MAPK10: variants seen among roughly 807,000 people sequenced by gnomAD.
The protein encoded by MAPK10 is mitogen-activated protein kinase 10.
In MAPK10, 25 loss-of-function variants were observed where a neutral mutation model predicts 59.3. The ratio of observed to expected loss-of-function variants is 0.42; its 90% CI spans 0.31 to 0.59. MAPK10 has a LOEUF of 0.59. MAPK10 is among the 20% of genes least tolerant of loss of function. The probability of loss-of-function intolerance (pLI) is 0.15; values close to 1 mark genes in which losing one functional copy is unlikely to be tolerated. For missense variants in MAPK10, 351 were observed against 568.9 expected (o/e 0.62, Z 3.90); for synonymous variants, 190 against 200.5 (o/e 0.95, Z 0.44).
intron 4 of MAPK10, among the ~76,000 whole-genome samples, chr4:86,142,352 C>G (rs1225658368): frequency 6.6e-6 from 1 of 152,080 alleles, no homozygotes. Flanking sequence ...AGAGAGACTG[C>G]CAGAGAGACA....
At chr4:86,198,946 C>G (rs2082011433) in intron 2 of MAPK10, among the ~76,000 whole-genome samples, 1 of 151,764 alleles carries the variant, frequency 6.6e-6, no homozygotes, top group Non-Finnish European at 1.5e-5. Context: ...AATATACGAG[C>G]ACTCACAAAT....
At chr4:86,140,518 C>T (rs928439707) in intron 4 of MAPK10, among the ~76,000 whole-genome samples, 4 of 120,232 alleles carry the variant, frequency 3.3e-5, no homozygotes, top group South Asian at 5.3e-4. Flanking sequence ...GAACATCACA[C>T]TCTGGGGACT....
chr4:86,083,522 C>T (rs887323547), intron 9 of MAPK10, among the ~76,000 whole-genome samples: 1 of 152,150 alleles, frequency 6.6e-6, no homozygotes, highest in African/African-American at 2.4e-5. Flanking sequence ...AATCGCCAAT[C>T]CCAGCAGTCA....
intron 6 of MAPK10, 111 bp downstream of exon 6, chr4:86,103,075 C>CTGTGTGTGTGTG (rs10681488): frequency 0.026 from 13,126 of 496,946 alleles, 250 homozygotes; most frequent in African/African-American, 0.064. Flanking sequence ...GATTTCAACT[C>CTGTGTGTGTGTG]TGTGTGTGTG....
chr4:86,111,045 G>A (rs2057397159), intron 4 of MAPK10, among the ~76,000 whole-genome samples: 1 of 152,020 alleles, frequency 6.6e-6, no homozygotes, highest in African/African-American at 2.4e-5. Context: ...TTGGTGTATA[G>A]AAATGCATGT....
intron 1 of MAPK10, among the ~76,000 whole-genome samples, chr4:86,478,053 A>C (rs1280268986): frequency 6.6e-6 from 1 of 152,002 alleles, no homozygotes; most frequent in Non-Finnish European, 1.5e-5. Context: ...TGCTTTCCCC[A>C]CCGATTGTGT....
intron 11 of MAPK10, among the ~76,000 whole-genome samples, chr4:86,045,344 C>T (rs1177721611): frequency 3.3e-5 from 5 of 152,082 alleles, no homozygotes; most frequent in African/African-American, 1.2e-4. Flanking sequence ...TTTCTTTCTT[C>T]ATTCGTTCAT....
intron 2 of MAPK10, among the ~76,000 whole-genome samples, chr4:86,213,978 T>C (rs2086618189): frequency 2.0e-5 from 3 of 152,006 alleles, no homozygotes; most frequent in African/African-American, 4.8e-5. Context: ...CAATAAAATA[T>C]TGACAAACTC....
chr4:86,179,076 C>A (rs2076318186), intron 3 of MAPK10, among the ~76,000 whole-genome samples: 1 of 152,068 alleles, frequency 6.6e-6, no homozygotes, highest in East Asian at 1.9e-4. Context: ...GTGGTCAGCA[C>A]CTGTAGTCCC....
At position 86,067,867 on chromosome 4, in the gene MAPK10, A is replaced by G. The variant is rs1425966894; in HGVS notation, c.891T>C (p.Tyr297=). The change falls in exon 10 of 14, where the codon TAT becomes TAC. Residue 297 remains tyrosine (Y), a synonymous_variant. Coordinates refer to ENST00000641462, the MANE Select transcript of MAPK10 (RefSeq NM_138982.4). ...MKKLQPTVRN[Y]VENRPKYAGL... ...CCGCATACTTGGGCCGATTCTCCACATAGTTTCTTACTGTGGGTTGCAATT... is the reference window on the plus strand; with the variant it reads ...CCGCATACTTGGGCCGATTCTCCACGTAGTTTCTTACTGTGGGTTGCAATT... The G allele has an allele frequency of 1.2e-6, 2 of 1,614,024 alleles. No homozygotes were observed. The highest frequency in any genetic ancestry group is 4.5e-5 in the East Asian group (2 of 44,870).
At chr4:86,583,131 A>G (rs1762417936) in intron 1 of MAPK10, among the ~76,000 whole-genome samples, 1 of 152,064 alleles carries the variant, frequency 6.6e-6, no homozygotes, top group African/African-American at 2.4e-5. Flanking sequence ...TAAAGTACCT[A>G]AGTAGTTTAC....
chr4:86,188,868 C>G lies in MAPK10; in HGVS notation c.66+5468G>C, dbSNP rs186960626. 3.6e-4 allele frequency among the ~76,000 whole-genome samples: 55 copies of G among 151,844 alleles called. 1 individual carries two copies. In the East Asian group the frequency reaches 8.1e-3, roughly 22 times the overall value. On this transcript the variant is annotated intron_variant, in intron 3 of 13. Transcript: ENST00000641462. ...CCTAGGTTTTCTTCCACGGTTTTTA[C>G]GGTTTTTATGGTTTTAGGTCTTACG...
intron 2 of MAPK10, among the ~76,000 whole-genome samples, chr4:86,277,742 A>G (rs1017834506): frequency 3.3e-5 from 5 of 152,154 alleles, no homozygotes; most frequent in Non-Finnish European, 7.4e-5. Context: ...ACATTGGCTT[A>G]TTATGAGTAT....
Position 86,015,242 on chromosome 4 carries a change from G to A in MAPK10, c.*1986C>T, listed in dbSNP as rs1742896188. 6.6e-6 allele frequency: 1 copy of A among 152,166 alleles called. No homozygotes were observed. Among genetic ancestry groups the A allele is most frequent in the Non-Finnish European group, 1.5e-5 (1 of 68,042 alleles). The allele number at this position is 152,166 out of a possible 1,614,324, so 9.4% of individuals were successfully genotyped here. On this transcript the variant is annotated 3_prime_UTR_variant, in exon 14 of 14. Coordinates refer to ENST00000641462, the MANE Select transcript of MAPK10 (RefSeq NM_138982.4). ...GACTGTGTGAAATAATCTCAGAATG[G>A]CAGCACCACTGGCATGGCGATGGTG...
intron 1 of MAPK10, among the ~76,000 whole-genome samples, chr4:86,372,783 A>G (rs1301936827): frequency 6.6e-6 from 1 of 152,222 alleles, no homozygotes; most frequent in Non-Finnish European, 1.5e-5. Flanking sequence ...GGAAATTTAT[A>G]GCACTAAATG....
At chr4:86,246,936 G>A (rs1294266577) in intron 2 of MAPK10, among the ~76,000 whole-genome samples, 4 of 152,244 alleles carry the variant, frequency 2.6e-5, no homozygotes, top group East Asian at 3.9e-4. Context: ...TCAACATCCC[G>A]TGATGCTCCA....
At chr4:86,449,718 T>C (rs1342585094) in intron 1 of MAPK10, among the ~76,000 whole-genome samples, 3 of 152,224 alleles carry the variant, frequency 2.0e-5, no homozygotes, top group African/African-American at 7.2e-5. Flanking sequence ...TCACTCTCTT[T>C]ATTAGGTTAT....
At chr4:86,511,355 G>A (rs746224393) in intron 1 of MAPK10, among the ~76,000 whole-genome samples, 25 of 151,724 alleles carry the variant, frequency 1.6e-4, no homozygotes, top group South Asian at 2.1e-4. Context: ...TCAGGAGTTC[G>A]AGACCAGCCT....
chr4:86,345,300 C>T (rs895261215), intron 2 of MAPK10, among the ~76,000 whole-genome samples: 1 of 152,160 alleles, frequency 6.6e-6, no homozygotes, highest in African/African-American at 2.4e-5. Context: ...TTCTTTAATT[C>T]AATCTGTGTG....
Sources: allele counts gnomAD v4.1 joint callset (sites outside exome capture counted in the v4.1 genomes callset), GRCh38; gene constraint gnomAD v4.1.1; transcripts MANE v1.5; gene names NCBI Gene and HGNC (gene_info 2026-07-23, HGNC 2026-07-21).